Variants in CPLANE1 observed in about 807,000 individuals in gnomAD.
CPLANE1 encodes the protein ciliogenesis and planar polarity effector complex subunit 1, also known as ciliogenesis and planar polarity effector 1.
Under a neutral mutation model 362.5 loss-of-function variants are expected in CPLANE1, and 263 were observed. The ratio of observed to expected loss-of-function variants is 0.73; its 90% confidence interval spans 0.66 to 0.80. The LOEUF is 0.80. CPLANE1 is among the 30% of genes least tolerant of loss of function. The pLI, the probability that CPLANE1 is intolerant of heterozygous loss-of-function variation, is 0.00. For synonymous variants in CPLANE1, 1,212 were observed against 1,302.6 expected, an observed-to-expected ratio of 0.93 and a Z score of 1.50; for missense variants, 3,461 against 3,793.4, an observed-to-expected ratio of 0.91 and a Z score of 2.30.
chr5:37,245,587 C>A lies in CPLANE1; in HGVS notation c.229G>T (p.Ala77Ser), dbSNP rs1441701659. The change falls in exon 4 of 53, where the codon GCT (alanine) becomes TCT (serine). Residue 77 changes from alanine (A) to serine (S), a missense_variant. By Grantham distance (99) the Ala-to-Ser change is moderately conservative. Coordinates refer to ENST00000651892, the MANE Select transcript of CPLANE1 (RefSeq NM_001384732.1). ...AGCTCTCCTGTAGTTAGTACCCCAG[C>A]CAGCCAGGCATCTGTTTCCAAAAAT... is the stretch of plus-strand genomic sequence containing the variant. ...LTTSSNDAWLAGVLTTGELFL... is the reference protein window; with the variant it reads ...LTTSSNDAWLSGVLTTGELFL... 13 of 1,515,408 alleles carry A rather than the reference C, an allele frequency of 8.6e-6. No homozygotes were observed. The highest frequency in any genetic ancestry group is 1.1e-5 in the Non-Finnish European group (13 of 1,132,318). The allele number at this position is 1,515,408 out of a possible 1,614,324, so 93.9% of individuals were successfully genotyped here. A position where few individuals can be genotyped will look rare whatever the true frequency, so the allele number is the denominator to read the frequency against.
chr5:37,202,158 CT>C (rs34033701), intron 18 of CPLANE1, among the ~76,000 whole-genome samples: 1,523 of 140,958 alleles, frequency 0.011, 18 homozygotes, highest in African/African-American at 0.031. Flanking sequence ...GTAACTTTTC[CT>C]TTTTTTTTTT....
chr5:37,079,514 C>T, the CPLANE1 span, among the ~76,000 whole-genome samples: 1 of 152,208 alleles, frequency 6.6e-6, no homozygotes, highest in South Asian at 2.1e-4. Context: ...AGGCAACTCA[C>T]TCCTACCACA....
intron 16 of CPLANE1, 148 bp from the exon 17 acceptor site, chr5:37,206,573 T>G (rs1476708894): frequency 8.2e-6 from 5 of 609,960 alleles, no homozygotes; most frequent in Non-Finnish European, 8.7e-6. Context: ...ATACTCAACA[T>G]GCCCTAGAAC....
Position 37,221,304 on chromosome 5 carries a change from A to C in CPLANE1, c.2746+20T>G, listed in dbSNP as rs1385631125. 2.0e-6 allele frequency: 3 copies of C among 1,466,116 alleles called. No individual in the cohort carries two copies. The African/African-American group carries it at 4.4e-5, about 21-fold the overall frequency. 90.8% of individuals were successfully genotyped at this position (1,466,116 alleles called of 1,614,324 possible). On this transcript the variant is annotated intron_variant, in intron 15 of 52. Transcript: ENST00000651892. ...CCTGTCTCTTTTTAAAAATACAAAGAAAGAAAAAAAAAAGCATACCTGAAA... is the reference window on the plus strand; with the variant it reads ...CCTGTCTCTTTTTAAAAATACAAAGCAAGAAAAAAAAAAGCATACCTGAAA...
intron 38 of CPLANE1, among the ~76,000 whole-genome samples, chr5:37,161,214 T>C (rs898431026): frequency 6.6e-6 from 1 of 152,118 alleles, no homozygotes; most frequent in African/African-American, 2.4e-5. Context: ...GGATAGAAAA[T>C]ACGGGTATCC....
At chr5:37,085,155 A>G in the CPLANE1 span, 1 of 776,378 alleles carries the variant, frequency 1.3e-6, no homozygotes, top group East Asian at 2.5e-5. Context: ...TCCATCCACC[A>G]GTCCTCACAA....
In CPLANE1 at chr5:37,215,739, CTTTTT is replaced by C. The variant is rs567527656; in HGVS notation, c.2747-2012_2747-2008del. On this transcript the variant is annotated intron_variant, in intron 15 of 52. Coordinates refer to ENST00000651892, the MANE Select transcript of CPLANE1 (RefSeq NM_001384732.1). ...TATTTCCCGTTTTTCCTTCTCTTTC[CTTTTT>C]TTTTTTTTTTTTTTTTTTTGAAGAT... 1.8e-3 allele frequency among the ~76,000 whole-genome samples: 173 copies of C among 95,200 alleles called. 1 individual carries two copies. The highest frequency in any genetic ancestry group is 6.4e-3 in the African/African-American group (163 of 25,286). 62.5% of individuals were successfully genotyped at this position (95,200 alleles called of 152,430 possible).
the CPLANE1 span, among the ~76,000 whole-genome samples, chr5:37,080,816 G>C: frequency 6.6e-6 from 1 of 152,120 alleles, no homozygotes; most frequent in Non-Finnish European, 1.5e-5. Context: ...GGCCCACAAA[G>C]CATAAAACTA....
chr5:37,234,352 T>C (rs553843960), intron 8 of CPLANE1, among the ~76,000 whole-genome samples: 13 of 133,726 alleles, frequency 9.7e-5, no homozygotes, highest in Middle Eastern at 4.3e-3. Context: ...AAAATCAATA[T>C]GAATGAGAAA....
chr5:37,169,978 G>A, intron 33 of CPLANE1, 63 bp downstream of exon 33: 1 of 1,516,534 alleles, frequency 6.6e-7, no homozygotes, highest in Non-Finnish European at 9.0e-7. Context: ...GCCTGCCAAA[G>A]TGCTGGGATT....
intron 15 of CPLANE1, among the ~76,000 whole-genome samples, chr5:37,215,652 T>C (rs534213323): frequency 6.6e-6 from 1 of 151,566 alleles, no homozygotes; most frequent in Non-Finnish European, 1.5e-5. Flanking sequence ...ATTTTTTAAA[T>C]GGAGGTATCT....
chr5:37,094,438 G>A, the CPLANE1 span, among the ~76,000 whole-genome samples: 2 of 152,210 alleles, frequency 1.3e-5, no homozygotes, highest in East Asian at 3.8e-4. Flanking sequence ...CAAAGGCAGT[G>A]CTAAGAGGAA....
intron 16 of CPLANE1, among the ~76,000 whole-genome samples, chr5:37,212,689 T>A (rs1792958823): frequency 6.6e-6 from 1 of 152,158 alleles, no homozygotes; most frequent in Non-Finnish European, 1.5e-5. Flanking sequence ...TAGCACAGGA[T>A]TAGATGCATT....
chr5:37,136,210 T>G (rs548545738), intron 46 of CPLANE1, among the ~76,000 whole-genome samples: 1 of 152,334 alleles, frequency 6.6e-6, no homozygotes, highest in South Asian at 2.1e-4. Flanking sequence ...GGTACAGGCA[T>G]TGGGTAAAAA....
chr5:37,155,817 T>C (rs1774931577), intron 41 of CPLANE1, among the ~76,000 whole-genome samples: 1 of 152,184 alleles, frequency 6.6e-6, no homozygotes, highest in Non-Finnish European at 1.5e-5. Context: ...GAGAGAAAAG[T>C]AAAACGTATC....
intron 15 of CPLANE1, 84 bp downstream of exon 15, chr5:37,221,240 G>T: frequency 2.5e-6 from 2 of 815,358 alleles, no homozygotes; most frequent in Non-Finnish European, 1.9e-6. Context: ...GATTACTTGA[G>T]CTCAGGGGTT....
At chr5:37,243,146 T>A in intron 5 of CPLANE1, 27 bp from the exon 6 acceptor site, 1 of 1,290,930 alleles carries the variant, frequency 7.7e-7, no homozygotes, top group South Asian at 1.4e-5. Context: ...TATACTTTAG[T>A]ATAAAATTAA....
chr5:37,182,852 C>T lies in CPLANE1; in HGVS notation c.5329G>A (p.Val1777Ile), dbSNP rs142777778. 2,152 of 1,613,058 alleles carry T rather than the reference C, an allele frequency of 1.3e-3. 12 individuals are homozygous for T. In the African/African-American group the frequency reaches 0.015, roughly 11 times the overall value. ...SSSEYSPVIR[V>I]KTSTAAILTS... is the part of the protein sequence containing the mutation. ...AGAATGGCAGCTGTAGAGGTCTTTA[C>T]ACGAATTACTGGACTGTACTCAGAG... Residue 1777 changes from valine (V) to isoleucine (I), a missense_variant, in exon 26 of 53, where the codon GTA becomes ATA. Physicochemically the swap from Val to Ile is conservative, Grantham distance 29. Around this residue, in one of 2 missense-constraint regions of CPLANE1, gnomAD observed 3,380 missense variants for 3,666.1 expected, o/e 0.92. Transcript: ENST00000651892.
At chr5:37,133,910 T>G (rs1412770679) in intron 46 of CPLANE1, among the ~76,000 whole-genome samples, 1 of 152,270 alleles carries the variant, frequency 6.6e-6, no homozygotes, top group South Asian at 2.1e-4. Flanking sequence ...GGCTGTGGGT[T>G]TGTCATAAAT....
Sources: allele counts gnomAD v4.1 joint callset (sites outside exome capture counted in the v4.1 genomes callset), GRCh38; gene constraint gnomAD v4.1.1; regional missense constraint gnomAD v4.1.1; transcripts MANE v1.5; gene names NCBI Gene and HGNC (gene_info 2026-07-23, HGNC 2026-07-21).